PTPRT: variants seen among roughly 807,000 people sequenced by gnomAD.
The protein encoded by PTPRT is receptor-type tyrosine-protein phosphatase T.
Under a neutral mutation model 176.8 loss-of-function variants are expected in PTPRT, and 56 were observed. That is an observed-to-expected ratio of 0.32 (90% CI 0.26 to 0.40). The LOEUF is 0.40. PTPRT is among the 10% of genes least tolerant of loss of function. PTPRT has a pLI of 1.00. For synonymous variants in PTPRT, 783 were observed against 739.0 expected, an observed-to-expected ratio of 1.06 and a Z score of -0.96; for missense variants, 1,540 against 1,908.2, an observed-to-expected ratio of 0.81 and a Z score of 3.60.
chr20:42,639,596 G>T (rs373450706), intron 7 of PTPRT, among the ~76,000 whole-genome samples: 3 of 152,054 alleles, frequency 2.0e-5, no homozygotes, highest in Non-Finnish European at 4.4e-5. Flanking sequence ...TCACTAAAAA[G>T]CACCCAGAGA....
At chr20:42,282,894 G>C (rs2057164148) in intron 12 of PTPRT, among the ~76,000 whole-genome samples, 2 of 152,166 alleles carry the variant, frequency 1.3e-5, no homozygotes, top group Non-Finnish European at 2.9e-5. Context: ...TTGCATGAGT[G>C]AGCAGATGGA....
At chr20:42,504,135 G>A (rs1467586390) in intron 7 of PTPRT, among the ~76,000 whole-genome samples, 1 of 151,832 alleles carries the variant, frequency 6.6e-6, no homozygotes. Context: ...AATTTCCTCA[G>A]TACCTAGAAG....
rs945975142 is a variant in PTPRT, at chr20:42,716,874, A to C, written c.860-38715T>G. Among the ~76,000 whole-genome samples the C allele has an allele frequency of 3.9e-5, 6 of 152,178 alleles. No homozygotes were observed. The South Asian group carries it at 6.2e-4, about 16-fold the overall frequency. On this transcript the variant is annotated intron_variant, in intron 6 of 30. Coordinates refer to ENST00000373187, the MANE Select transcript of PTPRT (RefSeq NM_007050.6). ...TGCAGCCATAAAAAATGATGAGTTC[A>C]TGTCCTTTGTAGGGACATGGATGAA...
chr20:43,100,392 G>A (rs574570899), intron 1 of PTPRT, among the ~76,000 whole-genome samples: 1 of 152,094 alleles, frequency 6.6e-6, no homozygotes, highest in East Asian at 1.9e-4. Context: ...AAAAAAGAAA[G>A]AAAGAAAGGA....
the PTPRT span, among the ~76,000 whole-genome samples, chr20:42,042,502 T>C: frequency 1.3e-5 from 2 of 152,178 alleles, no homozygotes; most frequent in Non-Finnish European, 2.9e-5. Context: ...GGAGCAGCTT[T>C]CCCTCTTTAA....
intron 1 of PTPRT, among the ~76,000 whole-genome samples, chr20:42,947,165 C>T (rs1980934790): frequency 1.3e-5 from 2 of 152,202 alleles, no homozygotes. Context: ...GCCCGTACTA[C>T]CTGCATTCCA....
chr20:42,481,862 A>G (rs544637214), intron 7 of PTPRT, among the ~76,000 whole-genome samples: 6 of 152,154 alleles, frequency 3.9e-5, no homozygotes, highest in African/African-American at 1.4e-4. Context: ...TATCAAAAGC[A>G]TGTGGTGTAC....
At chr20:42,437,386 A>G (rs1303161780) in intron 9 of PTPRT, among the ~76,000 whole-genome samples, 1 of 152,202 alleles carries the variant, frequency 6.6e-6, no homozygotes, top group South Asian at 2.1e-4. Context: ...AACTAGTTCA[A>G]GTACACTCTG....
chr20:42,547,103 A>G (rs1262339973), intron 7 of PTPRT, among the ~76,000 whole-genome samples: 1 of 152,208 alleles, frequency 6.6e-6, no homozygotes, highest in Non-Finnish European at 1.5e-5. Context: ...AGCTCAATAA[A>G]GCAAAGTACA....
At chr20:42,687,401 A>C (rs561054610) in intron 6 of PTPRT, 1 of 152,324 alleles carries the variant, frequency 6.6e-6, no homozygotes, top group East Asian at 1.9e-4. Context: ...GCACCAGATG[A>C]AGTTTTATGA....
intron 1 of PTPRT, among the ~76,000 whole-genome samples, chr20:43,083,369 T>TGA (rs2011518071): frequency 9.1e-6 from 1 of 110,244 alleles, no homozygotes; most frequent in African/African-American, 4.0e-5. Flanking sequence ...TATATATATA[T>TGA]ACATTTTTTG....
At chr20:42,254,317 G>T (rs1424375965) in intron 13 of PTPRT, among the ~76,000 whole-genome samples, 1 of 152,136 alleles carries the variant, frequency 6.6e-6, no homozygotes, top group East Asian at 1.9e-4. Flanking sequence ...CCAGAATATT[G>T]GCGAAACTTG....
intron 2 of PTPRT, among the ~76,000 whole-genome samples, chr20:42,812,150 TTAAC>T (rs1569169905): frequency 6.6e-6 from 1 of 152,144 alleles, no homozygotes; most frequent in African/African-American, 2.4e-5. Context: ...TTTTAATAGT[TTAAC>T]TAGGGTATGT....
At position 42,106,900 on chromosome 20, in the gene PTPRT, G is replaced by A. The variant is rs1395014805; in HGVS notation, c.3276C>T (p.Gly1092=). ...VHCSAGAGRT[G]CFIAIDTMLD... is the part of the protein sequence containing the mutation. Reference sequence around the variant, plus strand: ...GCATGGTGTCAATGGCAATGAAGCAGCCAGTCCGCCCAGCCCCAGCACTGG... The same window carrying A: ...GCATGGTGTCAATGGCAATGAAGCAACCAGTCCGCCCAGCCCCAGCACTGG... Residue 1092 remains glycine, a synonymous_variant, in exon 24 of 31, where the codon GGC becomes GGT. Transcript: ENST00000373187. The A allele has an allele frequency of 6.2e-7, 1 of 1,614,128 alleles. No homozygotes were observed. The highest frequency in any genetic ancestry group is 8.5e-7 in the Non-Finnish European group (1 of 1,180,020).
chr20:42,528,272 C>T (rs925356899), intron 7 of PTPRT, among the ~76,000 whole-genome samples: 8 of 152,060 alleles, frequency 5.3e-5, no homozygotes, highest in African/African-American at 1.7e-4. Flanking sequence ...TTTCACAGGC[C>T]GAACAGCCCT....
chr20:42,455,744 A>C (rs1396579288), intron 8 of PTPRT, among the ~76,000 whole-genome samples: 1 of 152,074 alleles, frequency 6.6e-6, no homozygotes, highest in Non-Finnish European at 1.5e-5. Context: ...ACATTTCCAC[A>C]TATGTATGGG....
chr20:42,236,101 T>C (rs1044394046), intron 15 of PTPRT, 128 bp downstream of exon 15: 56 of 750,202 alleles, frequency 7.5e-5, no homozygotes, highest in Admixed American at 5.8e-4. Context: ...ATAAAAACTT[T>C]AAGGCTACAG....
At chr20:43,046,308 G>A (rs527253879) in intron 1 of PTPRT, among the ~76,000 whole-genome samples, 31 of 152,004 alleles carry the variant, frequency 2.0e-4, no homozygotes, top group Non-Finnish European at 3.7e-4. Context: ...GCGGTGGCTC[G>A]CACCTGTAAT....
chr20:42,189,620 A>G (rs929580838), intron 16 of PTPRT, among the ~76,000 whole-genome samples: 1 of 152,214 alleles, frequency 6.6e-6, no homozygotes, highest in Non-Finnish European at 1.5e-5. Flanking sequence ...TACAGAAAAT[A>G]TTACATAGAA....
Sources: gnomAD v4.1 joint callset for allele counts (sites outside exome capture counted in the v4.1 genomes callset) on GRCh38, gnomAD v4.1.1 for gene constraint, MANE v1.5 for transcripts, NCBI Gene and HGNC (gene_info 2026-07-23, HGNC 2026-07-21) for gene names.